LHX9: variants seen among roughly 807,000 people sequenced by gnomAD.
The protein encoded by LHX9 is LIM/homeobox protein Lhx9.
In LHX9, 9 loss-of-function variants were observed where a neutral mutation model predicts 36.5. The ratio of observed to expected loss-of-function variants is 0.25; its 90% confidence interval spans 0.15 to 0.43. The LOEUF (loss-of-function observed/expected upper bound fraction) is 0.43. LHX9 is among the 20% of genes least tolerant of loss of function. The probability of loss-of-function intolerance (pLI) is 1.00; values close to 1 mark genes in which losing one functional copy is unlikely to be tolerated. For missense variants in LHX9, 464 were observed against 526.4 expected (o/e 0.88, Z 1.16); for synonymous variants, 211 against 212.1 (o/e 0.99, Z 0.04).
rs1660248530 is a variant in LHX9 at position 197,929,198 on chromosome 1, C to CT, written c.1134dup (p.Asn379Ter). The stretch of plus-strand genomic sequence containing the variant: ...ATCACTGTAGTGACATCCGTGACCT[C>CT]TAACATGGACAGCCACGAATCCGGA... On this transcript the variant is annotated frameshift_variant, in exon 5 of 5. Coordinates refer to ENST00000367387, the MANE Select transcript of LHX9 (RefSeq NM_020204.3). LOFTEE classifies it high-confidence loss of function. 6.4e-7 allele frequency: 1 copy of CT among 1,572,878 alleles called. No individual in the cohort carries two copies.
In LHX9 at chr1:197,920,183, C is replaced by A. The variant is rs1391710743; in HGVS notation, c.377+9C>A. On this transcript the variant is annotated intron_variant, in intron 2 of 4. Coordinates refer to ENST00000367387, the MANE Select transcript of LHX9 (RefSeq NM_020204.3). ...AAGGAGGATTACTACAGGTACTCCC[C>A]TACACCCCCACTTCCTACGCCCGAG... 6.2e-7 allele frequency: 1 copy of A among 1,613,530 alleles called. No homozygotes were observed. The highest frequency in any genetic ancestry group is 1.3e-5 in the African/African-American group (1 of 74,926).
At position 197,921,819 on chromosome 1, in the gene LHX9, G is replaced by A. The variant is rs1158091781; in HGVS notation, c.733+160G>A. On this transcript the variant is annotated intron_variant, in intron 3 of 4. Coordinates refer to ENST00000367387, the MANE Select transcript of LHX9 (RefSeq NM_020204.3). The surrounding 1 kb of genome is among the most constrained non-coding windows in gnomAD (Gnocchi z 4.6). ...CACTCTGAAGGAAGGGAGAGAGGGA[G>A]GAGGAGGGGGGAAGGGAGGGAGAGG... Among the ~76,000 whole-genome samples the A allele has an allele frequency of 6.6e-6, 1 of 152,222 alleles. No individual in the cohort carries two copies. The highest frequency in any genetic ancestry group is 1.5e-5 in the Non-Finnish European group (1 of 68,034).
rs1477319796 is a variant in LHX9 at position 197,921,832 on chromosome 1, A to T, written c.733+173A>T. Reference sequence around the variant, plus strand: ...GGGAGAGAGGGAGGAGGAGGGGGGAAGGGAGGGAGAGGCAGCACTTTATTT... The same window carrying T: ...GGGAGAGAGGGAGGAGGAGGGGGGATGGGAGGGAGAGGCAGCACTTTATTT... On this transcript the variant is annotated intron_variant, in intron 3 of 4. Coordinates refer to ENST00000367387, the MANE Select transcript of LHX9 (RefSeq NM_020204.3). The surrounding 1 kb of genome is among the most constrained non-coding windows in gnomAD (Gnocchi z 4.6). Among the ~76,000 whole-genome samples the T allele has an allele frequency of 6.6e-6, 1 of 152,172 alleles. No homozygotes were observed. The highest frequency in any genetic ancestry group is 1.5e-5 in the Non-Finnish European group (1 of 68,028).
At position 197,920,016 on chromosome 1, in the gene LHX9, C is replaced by T. The variant is rs759949141; in HGVS notation, c.219C>T (p.Gly73=). ...CGGAGAAGCCCGCCCTGTGCGCCGG[C>T]TGCGGGGGCAAGATCTCGGACAGGT... The part of the protein sequence containing the change: ...LSPEKPALCA[G]CGGKISDRYY... Residue 73 remains glycine (G), a synonymous_variant, in exon 2 of 5, where the codon GGC becomes GGT. Coordinates refer to ENST00000367387, the MANE Select transcript of LHX9 (RefSeq NM_020204.3). The T allele has an allele frequency of 6.2e-7, 1 of 1,614,238 alleles. No homozygotes were observed.
chr1:197,927,974 C>G (rs977066625), intron 4 of LHX9, among the ~76,000 whole-genome samples, 181 bp downstream of exon 4: 9 of 152,326 alleles, frequency 5.9e-5, no homozygotes, highest in African/African-American at 2.2e-4. Context: ...GGTTCCCAAA[C>G]AGAGACCCAG....
intron 3 of LHX9, among the ~76,000 whole-genome samples, chr1:197,922,733 G>A (rs966912596): frequency 3.9e-5 from 6 of 152,208 alleles, no homozygotes; most frequent in African/African-American, 1.4e-4. Flanking sequence ...TCAGGACAGG[G>A]GAGACCATTC....
Position 197,921,608 on chromosome 1 carries a change from C to T in LHX9, c.682C>T (p.Arg228Trp), listed in dbSNP as rs1659989904. 6.2e-7 allele frequency: 1 copy of T among 1,605,002 alleles called. No homozygotes were observed. Among genetic ancestry groups the T allele is most frequent in the Non-Finnish European group, 8.5e-7 (1 of 1,177,856 alleles). ...GTGTVQKGRP[R>W]KRKSPALGVD... ...GGGCACCGTGCAGAAAGGGCGGCCC[C>T]GGAAGCGGAAGAGCCCAGCGCTGGG... Residue 228 changes from arginine (R) to tryptophan (W), a missense_variant, in exon 3 of 5, where the codon CGG becomes TGG. Around this residue, in one of 5 missense-constraint regions of LHX9, gnomAD observed 130 missense variants for 109.6 expected, o/e 1.19. Transcript: ENST00000367387. This position sits in a 1 kb window ranked among gnomAD's most constrained non-coding sequence, Gnocchi z 4.6.
intron 1 of LHX9, chr1:197,918,429 C>T (rs923208580): frequency 1.4e-6 from 1 of 715,766 alleles, no homozygotes; most frequent in African/African-American, 1.7e-5. Context: ...GCCTTAGTCT[C>T]TGGGCCTGAT....
upstream of LHX9, among the ~76,000 whole-genome samples, chr1:197,914,866 A>G (rs1031154522): frequency 6.6e-6 from 1 of 152,244 alleles, no homozygotes; most frequent in Admixed American, 6.5e-5. Flanking sequence ...AGGAATAGCT[A>G]GGATTCAACT....
Position 197,921,540 on chromosome 1 carries a change from C to T in LHX9, c.614C>T (p.Ala205Val), listed in dbSNP as rs1311284545. 2.5e-6 allele frequency: 4 copies of T among 1,613,870 alleles called. No individual in the cohort carries two copies. In the South Asian group the frequency reaches 4.4e-5, roughly 18 times the overall value. Residue 205 changes from alanine (A) to valine (V), a missense_variant, in exon 3 of 5, where the codon GCG becomes GTG. Around this residue, in one of 5 missense-constraint regions of LHX9, gnomAD observed 130 missense variants for 109.6 expected, o/e 1.19. Coordinates refer to ENST00000367387, the MANE Select transcript of LHX9 (RefSeq NM_020204.3). The surrounding 1 kb of genome is among the most constrained non-coding windows in gnomAD (Gnocchi z 4.6). ...CCGCAGCTGAGCTACACGGAGCTGG[C>T]GGCCAAGAGCGGCGGCCTGGCCCTG... ...YPPQLSYTEL[A>V]AKSGGLALPY... is the part of the protein sequence containing the mutation.
Position 197,929,867 on chromosome 1 carries a change from T to A in LHX9, c.*608T>A. Reference sequence around the variant, plus strand: ...TTTTAAATAGTAATGATTAATTAGGTGAGAAATCTATTACAGGAATGTGAC... The same window carrying A: ...TTTTAAATAGTAATGATTAATTAGGAGAGAAATCTATTACAGGAATGTGAC... On this transcript the variant is annotated 3_prime_UTR_variant, in exon 5 of 5. Coordinates refer to ENST00000367387, the MANE Select transcript of LHX9 (RefSeq NM_020204.3). 1.0e-6 allele frequency: 1 copy of A among 958,318 alleles called. No homozygotes were observed. Among genetic ancestry groups the A allele is most frequent in the Non-Finnish European group, 1.2e-6 (1 of 805,112 alleles). The allele number at this position is 958,318 out of a possible 1,614,324, so 59.4% of individuals were successfully genotyped here. A position where few individuals can be genotyped will look rare whatever the true frequency, so the allele number is the denominator to read the frequency against.
chr1:197,917,576 C>T lies in LHX9; in HGVS notation c.-248C>T, dbSNP rs1359822342. ...CGCCTTCTACGCCTCTTTTTCCCTC[C>T]GCCCGAATTGTTTGTTTTCTGCACA... On this transcript the variant is annotated 5_prime_UTR_variant, in exon 1 of 5. Coordinates refer to ENST00000367387, the MANE Select transcript of LHX9 (RefSeq NM_020204.3). 5 of 1,494,646 alleles carry T rather than the reference C, an allele frequency of 3.3e-6. No individual in the cohort carries two copies. Among genetic ancestry groups the T allele is most frequent in the Non-Finnish European group, 4.5e-6 (5 of 1,114,680 alleles). The allele number at this position is 1,494,646 out of a possible 1,614,324, so 92.6% of individuals were successfully genotyped here.
rs116238716 is a variant in LHX9 at position 197,925,773 on chromosome 1, A to T, written c.734-1818A>T. ...CTTTCTGGTGGAGTTTAGGAAGCCT[A>T]TGTTTTACATTCGAATGTATATATC... On this transcript the variant is annotated intron_variant, in intron 3 of 4. Coordinates refer to ENST00000367387, the MANE Select transcript of LHX9 (RefSeq NM_020204.3). 2.0e-3 allele frequency among the ~76,000 whole-genome samples: 312 copies of T among 152,304 alleles called. 3 individuals carry two copies. The highest frequency in any genetic ancestry group is 7.1e-3 in the African/African-American group (296 of 41,572).
chr1:197,920,271 C>A (rs946681745), intron 2 of LHX9, 97 bp downstream of exon 2: 1 of 1,101,288 alleles, frequency 9.1e-7, no homozygotes, highest in Non-Finnish European at 1.3e-6. Context: ...CCTTTTGCCC[C>A]ATTCCGGGTG....
chr1:197,915,819 C>T (rs573067424), upstream of LHX9: 1 of 152,390 alleles, frequency 6.6e-6, no homozygotes, highest in East Asian at 1.9e-4. Context: ...TTTCTGCCTT[C>T]CTTCCTTCCC....
rs1660350772 is a variant in LHX9, at chr1:197,932,319, A to G, written c.*3060A>G. ...ACAGTTGTAAAATAAAGTCCAAAAC[A>G]TTCATTTCACCTGCTTGCTAATGTG... is the stretch of plus-strand genomic sequence containing the variant. On this transcript the variant is annotated 3_prime_UTR_variant, in exon 5 of 5. Transcript: ENST00000367387. The G allele has an allele frequency of 5.0e-6, 1 of 199,540 alleles. No individual in the cohort carries two copies. The highest frequency in any genetic ancestry group is 2.3e-5 in the African/African-American group (1 of 43,272). The allele number at this position is 199,540 out of a possible 1,614,324, so 12.4% of individuals were successfully genotyped here.
chr1:197,917,266 G>C (rs1470907696), upstream of LHX9: 15 of 1,219,584 alleles, frequency 1.2e-5, no homozygotes, highest in Non-Finnish European at 1.6e-5. Flanking sequence ...TTTGTTGTCT[G>C]AATAAAAATC....
intron 3 of LHX9, among the ~76,000 whole-genome samples, chr1:197,927,140 G>A (rs555219876): frequency 6.6e-6 from 1 of 152,122 alleles, no homozygotes; most frequent in Non-Finnish European, 1.5e-5. Context: ...ATGACAAAAA[G>A]CAATACCTTC....
chr1:197,920,098 T>A lies in LHX9; in HGVS notation c.301T>A (p.Cys101Ser), dbSNP rs1445454923. ...WHLRCLKCCECKLALESELTC... is the reference protein window; with the variant it reads ...WHLRCLKCCESKLALESELTC... ...TCTGAGATGCCTGAAGTGCTGTGAA[T>A]GTAAGCTGGCCCTCGAGTCCGAGCT... Residue 101 changes from cysteine (C) to serine (S), a missense_variant, in exon 2 of 5, where the codon TGT becomes AGT. This residue lies in a region of LHX9 where 93 missense variants were observed against 150.3 expected (regional missense o/e 0.62). Transcript: ENST00000367387. The A allele has an allele frequency of 6.2e-7, 1 of 1,614,126 alleles. No homozygotes were observed.
Sources: gnomAD v4.1 joint callset for allele counts (sites outside exome capture counted in the v4.1 genomes callset) on GRCh38, gnomAD v4.1.1 for gene constraint, gnomAD v4.1.1 regional missense constraint, Gnocchi (gnomAD v3.1) non-coding constraint, MANE v1.5 for transcripts, NCBI Gene and HGNC (gene_info 2026-07-23, HGNC 2026-07-21) for gene names.